The following ZMIZ1 variants were observed in gnomAD, a reference collection of about 807,000 sequenced individuals.
ZMIZ1 encodes the protein zinc finger MIZ-type containing 1.
In ZMIZ1, 17 loss-of-function variants were observed where a neutral mutation model predicts 113.9. That is an observed-to-expected ratio of 0.15 (90% CI 0.10 to 0.22). ZMIZ1 has a LOEUF of 0.22. Among genes scored for constraint, ZMIZ1 ranks in the 10% least tolerant of loss-of-function variants. The pLI is 1.00. For missense variants in ZMIZ1, 1,059 were observed against 1,477.8 expected, an observed-to-expected ratio of 0.72 and a Z score of 4.65; for synonymous variants, 607 against 603.1, an observed-to-expected ratio of 1.01 and a Z score of -0.09.
In ZMIZ1 at chr10:79,190,497, A is replaced by G. The variant is rs536840629; in HGVS notation, c.-49-11087A>G. 2.6e-5 allele frequency among the ~76,000 whole-genome samples: 4 copies of G among 152,302 alleles called. No individual in the cohort carries two copies. In the East Asian group the frequency reaches 7.7e-4, roughly 29 times the overall value. ...CATGAGGACTTTTCATTGTTTTTCC[A>G]TCTACCACTTTTAGCTCAAGTAAAT... On this transcript the variant is annotated intron_variant, in intron 4 of 24. Transcript: ENST00000334512.
intron 4 of ZMIZ1, among the ~76,000 whole-genome samples, chr10:79,201,251 T>C (rs942149958): frequency 3.0e-4 from 45 of 152,188 alleles, no homozygotes; most frequent in Admixed American, 2.9e-3. Flanking sequence ...GAGGTTGCAA[T>C]GAGCCGAGAT....
intron 1 of ZMIZ1, among the ~76,000 whole-genome samples, chr10:79,090,737 T>C (rs1589259419): frequency 2.6e-5 from 4 of 152,218 alleles, no homozygotes; most frequent in African/African-American, 9.7e-5. Context: ...AGTGAAAAGA[T>C]GCTCACCCAC....
At chr10:79,193,031 TCCTC>T (rs1564710187) in intron 4 of ZMIZ1, among the ~76,000 whole-genome samples, 1 of 152,132 alleles carries the variant, frequency 6.6e-6, no homozygotes, top group African/African-American at 2.4e-5. Flanking sequence ...ACCACCCTCT[TCCTC>T]TGCATCCAGC....
At chr10:79,268,112 C>A (rs776924493) in intron 7 of ZMIZ1, among the ~76,000 whole-genome samples, 2 of 152,234 alleles carry the variant, frequency 1.3e-5, no homozygotes, top group Non-Finnish European at 2.9e-5. Context: ...GCAGCACTAT[C>A]TCCAGGGAGC....
At chr10:79,256,974 TC>T (rs1850949257) in intron 7 of ZMIZ1, among the ~76,000 whole-genome samples, 1 of 152,222 alleles carries the variant, frequency 6.6e-6, no homozygotes, top group East Asian at 1.9e-4. Flanking sequence ...AGTGACGTCT[TC>T]AGGCTTCTAT....
At position 79,305,619 on chromosome 10, in the gene ZMIZ1, G is replaced by A. The variant is rs534183617; in HGVS notation, c.2423+18G>A. 1.4e-5 allele frequency: 23 copies of A among 1,611,374 alleles called. No homozygotes were observed. Among genetic ancestry groups the A allele is most frequent in the Middle Eastern group, 1.7e-4 (1 of 6,048 alleles). ...ATCCAACAGTAAGTGGGGCCCTAGC[G>A]AGGGGCAGGGGGTGGGAGGGGACGA... On this transcript the variant is annotated intron_variant, in intron 21 of 24. Coordinates refer to ENST00000334512, the MANE Select transcript of ZMIZ1 (RefSeq NM_020338.4).
chr10:79,282,678 A>G (rs923599484), intron 8 of ZMIZ1, among the ~76,000 whole-genome samples: 2 of 152,222 alleles, frequency 1.3e-5, no homozygotes, highest in Non-Finnish European at 2.9e-5. Flanking sequence ...GATGGGGGAC[A>G]TGGTGCCGCA....
At chr10:79,203,317 G>A (rs1848178082) in intron 5 of ZMIZ1, among the ~76,000 whole-genome samples, 1 of 152,166 alleles carries the variant, frequency 6.6e-6, no homozygotes, top group Non-Finnish European at 1.5e-5. Flanking sequence ...ATGTGGAGAG[G>A]AAATTGAAGA....
chr10:79,152,538 A>G (rs901387052), intron 3 of ZMIZ1, among the ~76,000 whole-genome samples: 4 of 152,184 alleles, frequency 2.6e-5, no homozygotes, highest in Admixed American at 6.5e-5. Flanking sequence ...CCCACCCCAA[A>G]CAAGTTAAAT....
intron 3 of ZMIZ1, among the ~76,000 whole-genome samples, chr10:79,156,715 C>T (rs1023626351): frequency 9.2e-5 from 14 of 152,182 alleles, no homozygotes; most frequent in African/African-American, 2.7e-4. Context: ...AAGCGTACCT[C>T]GGGACTCTTG....
At chr10:79,181,967 T>C (rs1847140069) in intron 4 of ZMIZ1, among the ~76,000 whole-genome samples, 1 of 151,520 alleles carries the variant, frequency 6.6e-6, no homozygotes, top group Non-Finnish European at 1.5e-5. Context: ...GCTGCAGGAG[T>C]CTGAACTGGA....
At chr10:79,154,501 T>G (rs1845826708) in intron 3 of ZMIZ1, among the ~76,000 whole-genome samples, 1 of 152,198 alleles carries the variant, frequency 6.6e-6, no homozygotes, top group Non-Finnish European at 1.5e-5. Context: ...CTTAGAACCC[T>G]GGCATTGCAA....
intron 3 of ZMIZ1, among the ~76,000 whole-genome samples, chr10:79,148,015 A>G (rs922467889): frequency 4.6e-5 from 7 of 152,198 alleles, no homozygotes; most frequent in African/African-American, 1.4e-4. Context: ...TGTGTCTTGC[A>G]TAGATGACAC....
At chr10:79,170,454 G>C (rs902796362) in intron 4 of ZMIZ1, among the ~76,000 whole-genome samples, 1 of 152,228 alleles carries the variant, frequency 6.6e-6, no homozygotes, top group Non-Finnish European at 1.5e-5. Flanking sequence ...CCTAGGGATA[G>C]ATAGAGAAGC....
intron 2 of ZMIZ1, among the ~76,000 whole-genome samples, chr10:79,129,885 T>C (rs1286071223): frequency 1.3e-5 from 2 of 152,014 alleles, no homozygotes; most frequent in Admixed American, 6.5e-5. Flanking sequence ...CAGAGCGGAG[T>C]TGGTGGTGGC....
At chr10:79,271,667 G>C (rs1851958664) in intron 7 of ZMIZ1, among the ~76,000 whole-genome samples, 1 of 152,200 alleles carries the variant, frequency 6.6e-6, no homozygotes, top group African/African-American at 2.4e-5. Context: ...CAGTGAAGCA[G>C]GCAGCTCCTG....
chr10:79,172,627 T>C (rs1340407144), intron 4 of ZMIZ1, among the ~76,000 whole-genome samples: 1 of 152,202 alleles, frequency 6.6e-6, no homozygotes, highest in Non-Finnish European at 1.5e-5. Flanking sequence ...TGACCCTAAA[T>C]TCCAGACTGG....
chr10:79,311,289 GT>G, intron 24 of ZMIZ1, 105 bp downstream of exon 24: 7 of 1,346,752 alleles, frequency 5.2e-6, no homozygotes, highest in Admixed American at 2.5e-5. Flanking sequence ...AAGGGAGGAG[GT>G]GGGTGGGCGG....
intron 4 of ZMIZ1, among the ~76,000 whole-genome samples, chr10:79,175,633 G>GTGTGT (rs1216136831): frequency 0.014 from 1,012 of 72,544 alleles, 24 homozygotes; most frequent in East Asian, 0.096. Flanking sequence ...TGTGTGTGGA[G>GTGTGT]GTTTTTACAG....
Sources: gnomAD v4.1 joint callset for allele counts (sites outside exome capture counted in the v4.1 genomes callset) on GRCh38, gnomAD v4.1.1 for gene constraint, MANE v1.5 for transcripts, NCBI Gene and HGNC (gene_info 2026-07-23, HGNC 2026-07-21) for gene names.